Variants in PDZD2 observed in about 807,000 individuals in gnomAD.
The protein encoded by PDZD2 is PDZ domain containing 2, also known as PDZ domain-containing protein 2.
Under a neutral mutation model 220.7 loss-of-function variants are expected in PDZD2, and 90 were observed. The observed-to-expected ratio is 0.41, with a 90% CI of 0.34 to 0.49. The LOEUF is 0.49. PDZD2 is among the 20% of genes least tolerant of loss of function. The pLI is 0.28. For synonymous variants in PDZD2, 1,375 were observed against 1,450.5 expected (o/e 0.95, Z 1.18); for missense variants, 3,174 against 3,608.5 (o/e 0.88, Z 3.08).
At chr5:31,956,255 C>G (rs942910157) in intron 2 of PDZD2, among the ~76,000 whole-genome samples, 1 of 151,630 alleles carries the variant, frequency 6.6e-6, no homozygotes, top group African/African-American at 2.4e-5. Flanking sequence ...TTCTTTCTTC[C>G]GTTCCGTTAA....
chr5:32,096,862 G>T (rs999957864), intron 21 of PDZD2, among the ~76,000 whole-genome samples: 5 of 106,356 alleles, frequency 4.7e-5, no homozygotes, highest in African/African-American at 1.4e-4. Context: ...TTGAGACAAG[G>T]TCTCACTCTG....
intron 2 of PDZD2, among the ~76,000 whole-genome samples, chr5:31,887,832 G>GA (rs1289225663): frequency 1.4e-5 from 2 of 145,478 alleles, no homozygotes; most frequent in African/African-American, 5.0e-5. Context: ...GGGAGGGGGG[G>GA]AACAGCACTT....
chr5:31,817,315 G>A (rs1313069362), intron 2 of PDZD2, among the ~76,000 whole-genome samples: 1 of 151,882 alleles, frequency 6.6e-6, no homozygotes. Flanking sequence ...CCAACGTGGT[G>A]AAACCCTGTC....
intron 2 of PDZD2, among the ~76,000 whole-genome samples, chr5:31,888,914 T>C (rs1740763804): frequency 6.6e-6 from 1 of 152,072 alleles, no homozygotes; most frequent in African/African-American, 2.4e-5. Flanking sequence ...ATGGAAATGT[T>C]CCCAGTCAAG....
chr5:31,785,972 C>T (rs191822847), intron 1 of PDZD2, among the ~76,000 whole-genome samples: 13 of 152,190 alleles, frequency 8.5e-5, no homozygotes, highest in East Asian at 7.7e-4. Context: ...TGGAGGGACT[C>T]GGGGTTAGTA....
chr5:31,777,457 C>A (rs578007094), intron 1 of PDZD2, among the ~76,000 whole-genome samples: 1 of 152,208 alleles, frequency 6.6e-6, no homozygotes, highest in Non-Finnish European at 1.5e-5. Context: ...CCCCCTGCTC[C>A]GTGGCGCCTG....
At chr5:31,719,139 C>T (rs943463259) in intron 1 of PDZD2, among the ~76,000 whole-genome samples, 12 of 152,212 alleles carry the variant, frequency 7.9e-5, no homozygotes, top group South Asian at 4.1e-4. Flanking sequence ...AAGGGTAGCA[C>T]GGTGTTAGGA....
At chr5:31,965,651 T>C (rs868030886) in intron 2 of PDZD2, among the ~76,000 whole-genome samples, 1 of 152,142 alleles carries the variant, frequency 6.6e-6, no homozygotes, top group African/African-American at 2.4e-5. Context: ...TCCTAGCACT[T>C]TGGGAGGCCA....
chr5:32,103,257 C>CA (rs1158140492), intron 24 of PDZD2, among the ~76,000 whole-genome samples: 1 of 151,374 alleles, frequency 6.6e-6, no homozygotes, highest in African/African-American at 2.4e-5. Flanking sequence ...AACAAACAAA[C>CA]AAAAAACAAG....
At position 32,013,322 on chromosome 5, in the gene PDZD2, C is replaced by CTTT. The variant is rs11428109; in HGVS notation, c.1407+2854_1407+2856dup. Among the ~76,000 whole-genome samples, 480 of 135,818 alleles carry CTTT rather than the reference C, an allele frequency of 3.5e-3. 4 individuals are homozygous for CTTT. The highest frequency in any genetic ancestry group is 0.011 in the African/African-American group (421 of 36,878). 89.1% of individuals were successfully genotyped at this position (135,818 alleles called of 152,430 possible). The stretch of plus-strand genomic sequence containing the variant: ...TTGCTCCTATATCTCTCTGTGTTAT[C>CTTT]TTTTTTTTTTTTTTTTGACATTTCC... On this transcript the variant is annotated intron_variant, in intron 6 of 24. Coordinates refer to ENST00000438447, the MANE Select transcript of PDZD2 (RefSeq NM_178140.4).
intron 2 of PDZD2, among the ~76,000 whole-genome samples, chr5:31,885,546 G>C (rs2150341470): frequency 6.6e-6 from 1 of 152,294 alleles, no homozygotes; most frequent in East Asian, 1.9e-4. Context: ...AATAAAATAT[G>C]TAAGTCCACA....
chr5:31,976,303 A>G (rs1369821101), intron 2 of PDZD2, among the ~76,000 whole-genome samples: 1 of 152,190 alleles, frequency 6.6e-6, no homozygotes, highest in Non-Finnish European at 1.5e-5. Context: ...GATTTACAGC[A>G]TCAGACAGTT....
intron 5 of PDZD2, among the ~76,000 whole-genome samples, chr5:32,008,284 C>CTTT (rs58124921): frequency 3.1e-5 from 4 of 129,148 alleles, no homozygotes; most frequent in African/African-American, 1.2e-4. Context: ...TCTTTTGTTT[C>CTTT]TTTTTTTTTT....
At chr5:31,784,197 A>G (rs1260908534) in intron 1 of PDZD2, among the ~76,000 whole-genome samples, 2 of 152,146 alleles carry the variant, frequency 1.3e-5, no homozygotes, top group Non-Finnish European at 2.9e-5. Context: ...TGAGCGCATC[A>G]AAACTGCCTG....
At chr5:31,823,297 C>A (rs1341610291) in intron 2 of PDZD2, among the ~76,000 whole-genome samples, 2 of 151,392 alleles carry the variant, frequency 1.3e-5, no homozygotes, top group South Asian at 4.2e-4. Flanking sequence ...TGAAACCTGT[C>A]TTTACTAAAA....
intron 1 of PDZD2, among the ~76,000 whole-genome samples, chr5:31,692,528 A>G (rs925735522): frequency 6.6e-6 from 1 of 152,212 alleles, no homozygotes; most frequent in African/African-American, 2.4e-5. Flanking sequence ...GTCACCTCTC[A>G]GCCTGACTCA....
chr5:32,102,978 T>TAA (rs1402604664), intron 24 of PDZD2, among the ~76,000 whole-genome samples: 2 of 151,596 alleles, frequency 1.3e-5, no homozygotes, highest in African/African-American at 4.9e-5. Flanking sequence ...AATTAATGAG[T>TAA]AAAAGTAAAA....
At chr5:31,698,201 GC>G (rs1378093535) in intron 1 of PDZD2, among the ~76,000 whole-genome samples, 2 of 149,380 alleles carry the variant, frequency 1.3e-5, no homozygotes, top group African/African-American at 4.9e-5. Flanking sequence ...ACCGCACCCG[GC>G]CCCTTCCTTA....
At position 31,849,903 on chromosome 5, in the gene PDZD2, T is replaced by TATATATATATACACATATATATATAC. The variant is rs1450655207; in HGVS notation, c.476+50180_476+50181insTATATATATACACATATATATATACA. Among the ~76,000 whole-genome samples the TATATATATATACACATATATATATAC allele has an allele frequency of 7.8e-5, 2 of 25,676 alleles. 1 individual carries two copies. Among genetic ancestry groups the TATATATATATACACATATATATATAC allele is most frequent in the African/African-American group, 4.5e-4 (2 of 4,482 alleles). The allele number at this position is 25,676 out of a possible 152,430, so 16.8% of individuals were successfully genotyped here. ...ATATATATATACACATATATATATA[T>TATATATATATACACATATATATATAC]ACATATATATATATACATATATATA... On this transcript the variant is annotated intron_variant, in intron 2 of 24. Transcript: ENST00000438447.
Sources: allele counts gnomAD v4.1 joint callset (sites outside exome capture counted in the v4.1 genomes callset), GRCh38; gene constraint gnomAD v4.1.1; transcripts MANE v1.5; gene names NCBI Gene and HGNC (gene_info 2026-07-23, HGNC 2026-07-21).